Variants in NPAS3 observed in about 807,000 individuals in gnomAD.
NPAS3 encodes the protein neuronal PAS domain protein 3, also known as neuronal PAS domain-containing protein 3.
NPAS3 carries 14 observed loss-of-function variants against 73.1 expected under a neutral mutation model. The ratio of observed to expected loss-of-function variants is 0.19; its 90% CI spans 0.13 to 0.30. The LOEUF (loss-of-function observed/expected upper bound fraction) is 0.30. Among genes scored for constraint, NPAS3 ranks in the 10% least tolerant of loss-of-function variants. The probability of loss-of-function intolerance (pLI) is 1.00; values close to 1 mark genes in which losing one functional copy is unlikely to be tolerated. For synonymous variants in NPAS3, 620 were observed against 541.5 expected (o/e 1.14, Z -2.01); for missense variants, 1,096 against 1,250.0 (o/e 0.88, Z 1.86).
intron 4 of NPAS3, among the ~76,000 whole-genome samples, chr14:33,463,460 A>G (rs886270408): frequency 6.6e-6 from 1 of 152,200 alleles, no homozygotes; most frequent in African/African-American, 2.4e-5. Flanking sequence ...ATAATGAGAA[A>G]AATAATGACG....
intron 4 of NPAS3, among the ~76,000 whole-genome samples, chr14:33,522,312 G>GT (rs1257512983): frequency 4.6e-5 from 7 of 151,996 alleles, no homozygotes; most frequent in African/African-American, 1.4e-4. Context: ...TTATTTTTGT[G>GT]TTTTTTTAAA....
At chr14:33,167,113 G>A (rs571083520) in intron 2 of NPAS3, among the ~76,000 whole-genome samples, 37 of 151,404 alleles carry the variant, frequency 2.4e-4, no homozygotes, top group Non-Finnish European at 4.9e-4. Flanking sequence ...TACAACGCTT[G>A]GTATCTACAC....
chr14:33,697,484 G>A (rs1452834262), intron 6 of NPAS3, among the ~76,000 whole-genome samples: 1 of 152,110 alleles, frequency 6.6e-6, no homozygotes, highest in African/African-American at 2.4e-5. Flanking sequence ...TGAGGGCCGG[G>A]GAAAAGTTGG....
At chr14:33,500,171 A>G (rs1242742914) in intron 4 of NPAS3, among the ~76,000 whole-genome samples, 2 of 151,796 alleles carry the variant, frequency 1.3e-5, no homozygotes, top group Non-Finnish European at 2.9e-5. Context: ...AATCAAACCC[A>G]CAGAGTCTCT....
At chr14:33,094,457 T>C (rs2042336838) in intron 2 of NPAS3, among the ~76,000 whole-genome samples, 2 of 151,194 alleles carry the variant, frequency 1.3e-5, no homozygotes, top group African/African-American at 4.9e-5. Flanking sequence ...TACTCAACTG[T>C]ATGATAAAGG....
chr14:33,233,232 CACAA>C (rs1372405914), intron 3 of NPAS3, among the ~76,000 whole-genome samples: 1 of 152,198 alleles, frequency 6.6e-6, no homozygotes, highest in East Asian at 1.9e-4. Context: ...TCATAAATTT[CACAA>C]ACAATGAACC....
At chr14:33,485,588 A>G (rs150754382) in intron 4 of NPAS3, among the ~76,000 whole-genome samples, 272 of 152,250 alleles carry the variant, frequency 1.8e-3, no homozygotes, top group African/African-American at 5.5e-3. Context: ...CATGCTTTAC[A>G]TTAACATTTG....
At chr14:33,249,934 A>C (rs1236897693) in intron 3 of NPAS3, among the ~76,000 whole-genome samples, 1 of 151,630 alleles carries the variant, frequency 6.6e-6, no homozygotes, top group Non-Finnish European at 1.5e-5. Context: ...ACACACACAC[A>C]CACCCCTACA....
intron 6 of NPAS3, among the ~76,000 whole-genome samples, chr14:33,690,705 A>T (rs980014378): frequency 6.6e-6 from 1 of 152,170 alleles, no homozygotes; most frequent in Non-Finnish European, 1.5e-5. Flanking sequence ...TTTTGGAAGA[A>T]GGAGACGGGC....
intron 10 of NPAS3, among the ~76,000 whole-genome samples, chr14:33,796,066 G>T (rs1478678011): frequency 6.6e-6 from 1 of 152,118 alleles, no homozygotes; most frequent in African/African-American, 2.4e-5. Context: ...CCATTTACTG[G>T]TATCACCTCT....
At chr14:33,632,657 A>C (rs1369118051) in intron 5 of NPAS3, among the ~76,000 whole-genome samples, 1 of 152,126 alleles carries the variant, frequency 6.6e-6, no homozygotes, top group East Asian at 1.9e-4. Context: ...TTCGTAATGC[A>C]CAAGAGGTGC....
chr14:33,661,097 GAAAAA>G (rs11297345), intron 5 of NPAS3, among the ~76,000 whole-genome samples: 2 of 132,578 alleles, frequency 1.5e-5, no homozygotes, highest in Non-Finnish European at 3.3e-5. Flanking sequence ...TCAGTAAAAG[GAAAAA>G]AAAAAAAAAA....
intron 3 of NPAS3, among the ~76,000 whole-genome samples, chr14:33,275,395 G>A (rs569505390): frequency 6.6e-6 from 1 of 152,258 alleles, no homozygotes; most frequent in East Asian, 1.9e-4. Context: ...AAAATGCATG[G>A]CAACATGCTG....
intron 5 of NPAS3, among the ~76,000 whole-genome samples, chr14:33,566,772 T>C (rs2139794969): frequency 6.6e-6 from 1 of 152,332 alleles, no homozygotes; most frequent in Admixed American, 6.5e-5. Context: ...AGAACCCTTC[T>C]GAAACTGTCT....
intron 1 of NPAS3, among the ~76,000 whole-genome samples, chr14:33,027,735 C>A (rs1466277583): frequency 6.6e-6 from 1 of 152,038 alleles, no homozygotes; most frequent in African/African-American, 2.4e-5. Flanking sequence ...TCTATGCTAC[C>A]CTTTAATAAG....
chr14:33,532,233 G>A (rs1308366935), intron 4 of NPAS3, among the ~76,000 whole-genome samples: 1 of 152,090 alleles, frequency 6.6e-6, no homozygotes, highest in African/African-American at 2.4e-5. Flanking sequence ...CTGAGCTTCT[G>A]ATCTTTCCGT....
intron 1 of NPAS3, among the ~76,000 whole-genome samples, chr14:32,978,113 G>GT (rs981726672): frequency 1.1e-5 from 1 of 90,784 alleles, no homozygotes; most frequent in African/African-American, 5.5e-5. Flanking sequence ...GTGAAGATGT[G>GT]GGGGGGTGAG....
intron 1 of NPAS3, among the ~76,000 whole-genome samples, chr14:33,038,154 C>T (rs951616196): frequency 1.3e-5 from 2 of 152,136 alleles, no homozygotes; most frequent in Non-Finnish European, 2.9e-5. Flanking sequence ...ATTTTTCCCC[C>T]TAGGGATGAA....
chr14:33,100,130 G>T (rs1427538815), intron 2 of NPAS3, among the ~76,000 whole-genome samples: 1 of 152,168 alleles, frequency 6.6e-6, no homozygotes, highest in Non-Finnish European at 1.5e-5. Context: ...GGTCAGGGCT[G>T]CAAGAGTGTT....
Sources: gnomAD v4.1 joint callset for allele counts (sites outside exome capture counted in the v4.1 genomes callset) on GRCh38, gnomAD v4.1.1 for gene constraint, MANE v1.5 for transcripts, NCBI Gene and HGNC (gene_info 2026-07-23, HGNC 2026-07-21) for gene names.